The following SH3PXD2B variants were observed in gnomAD, a reference collection of about 807,000 sequenced individuals.
The protein encoded by SH3PXD2B is SH3 and PX domain-containing protein 2B.
SH3PXD2B carries 37 observed loss-of-function variants against 73.1 expected under a neutral mutation model. That is an observed-to-expected ratio of 0.51 (90% CI 0.39 to 0.67). The LOEUF (loss-of-function observed/expected upper bound fraction) is 0.67, where lower values mean the gene tolerates loss of function less well. Among genes scored for constraint, SH3PXD2B ranks in the 30% least tolerant of loss-of-function variants. The pLI, the probability that SH3PXD2B is intolerant of heterozygous loss-of-function variation, is 0.00. For missense variants in SH3PXD2B, 1,053 were observed against 1,197.8 expected (o/e 0.88, Z 1.78); for synonymous variants, 457 against 480.5 (o/e 0.95, Z 0.64).
rs114580585 is a variant in SH3PXD2B at position 172,371,790 on chromosome 5, C to T, written c.427+2000G>A. Among the ~76,000 whole-genome samples the T allele has an allele frequency of 5.6e-3, 854 of 152,310 alleles. 9 individuals carry two copies. The highest frequency in any genetic ancestry group is 0.02 in the African/African-American group (821 of 41,566). On this transcript the variant is annotated intron_variant, in intron 6 of 12. Coordinates refer to ENST00000311601, the MANE Select transcript of SH3PXD2B (RefSeq NM_001017995.3). The stretch of plus-strand genomic sequence containing the variant: ...CTGTCTCTTTCCTCTCTTCTCTACC[C>T]TCCCACACCCATTCCTTCTAGGGAA...
In SH3PXD2B at chr5:172,338,084, G is replaced by T; in HGVS notation, c.*285C>A. 2 of 1,343,248 alleles carry T rather than the reference G, an allele frequency of 1.5e-6. No individual in the cohort carries two copies. Among genetic ancestry groups the T allele is most frequent in the Non-Finnish European group, 1.9e-6 (2 of 1,043,392 alleles). 83.2% of individuals were successfully genotyped at this position (1,343,248 alleles called of 1,614,324 possible). ...CTTGGTCCCACTGCTGGGTGGCAAT[G>T]CCATTGGCCAGGAGGAGTTCTCTTA... is the stretch of plus-strand genomic sequence containing the variant. On this transcript the variant is annotated 3_prime_UTR_variant, in exon 13 of 13. Transcript: ENST00000311601. The surrounding 1 kb of genome is among the most constrained non-coding windows in gnomAD (Gnocchi z 5.1).
intron 4 of SH3PXD2B, among the ~76,000 whole-genome samples, chr5:172,390,860 T>TGTGA (rs949339165): frequency 6.0e-4 from 86 of 142,898 alleles, no homozygotes; most frequent in Non-Finnish European, 9.9e-4. Flanking sequence ...TGTGTGTGTG[T>TGTGA]GACAGAGTTT....
chr5:172,377,519 C>G (rs1413973170), intron 5 of SH3PXD2B, among the ~76,000 whole-genome samples: 1 of 152,198 alleles, frequency 6.6e-6, no homozygotes, highest in Non-Finnish European at 1.5e-5. Flanking sequence ...AGCACCTGCC[C>G]TGTGCCAGAC....
At chr5:172,327,230 CCTA>C (rs1239603467) in intron 12 of SH3PXD2B, among the ~76,000 whole-genome samples, 63 of 152,292 alleles carry the variant, frequency 4.1e-4, no homozygotes, top group African/African-American at 1.5e-3. Context: ...ATTAGAAGGG[CCTA>C]CTATGTGCTA....
intron 10 of SH3PXD2B, among the ~76,000 whole-genome samples, chr5:172,348,663 C>CTATCTATCTATCTATCTTATCT (rs1757066569): frequency 3.5e-5 from 1 of 28,860 alleles, no homozygotes; most frequent in South Asian, 2.2e-3. Flanking sequence ...TCCTATCTAT[C>CTATCTATCTATCTATCTTATCT]TATCTATCTA....
rs144730807 is a variant in SH3PXD2B at position 172,431,889 on chromosome 5, C to A, written c.76-9393G>T. Among the ~76,000 whole-genome samples, 5 of 152,224 alleles carry A rather than the reference C, an allele frequency of 3.3e-5. 1 individual carries two copies. The highest frequency in any genetic ancestry group is 1.2e-4 in the African/African-American group (5 of 41,534). On this transcript the variant is annotated intron_variant, in intron 1 of 12. Transcript: ENST00000311601. ...TTAAAGATACCTTATTTAGGCCGGG[C>A]GCAGTGGCTCGTAATCCTAGATCAC...
chr5:172,416,855 C>T (rs1440881865), intron 2 of SH3PXD2B, among the ~76,000 whole-genome samples: 6 of 151,810 alleles, frequency 4.0e-5, no homozygotes, highest in Middle Eastern at 3.2e-3. Flanking sequence ...GCTACAGGTG[C>T]GCACCGTCAC....
chr5:172,368,453 T>TTATATATATATATATATATTATATA (rs773035950), intron 6 of SH3PXD2B, among the ~76,000 whole-genome samples: 1 of 80,014 alleles, frequency 1.2e-5, no homozygotes, highest in African/African-American at 5.4e-5. Context: ...CTAAGAATGC[T>TTATATATATATATATATATTATATA]TATATATATA....
rs1756762061 is a variant in SH3PXD2B at position 172,338,658 on chromosome 5, T to A, written c.2447A>T (p.Asp816Val). The A allele has an allele frequency of 6.2e-7, 1 of 1,614,180 alleles. No homozygotes were observed. The highest frequency in any genetic ancestry group is 8.5e-7 in the Non-Finnish European group (1 of 1,180,030). Residue 816 changes from aspartate (D) to valine (V), a missense_variant, in exon 13 of 13, where the codon GAT becomes GTT. Asp to Val is a radical substitution (Grantham distance 152, BLOSUM62 -3). Around this residue, in one of 2 missense-constraint regions of SH3PXD2B, gnomAD observed 587 missense variants for 590.7 expected, o/e 0.99. Transcript: ENST00000311601. This position sits in a 1 kb window ranked among gnomAD's most constrained non-coding sequence, Gnocchi z 5.1. ...CAGGCTGCCTTTGCCTCGCGTGTCATCCTGGCCCCCCAAAGAGTTGGAGAG... is the reference window on the plus strand; with the variant it reads ...CAGGCTGCCTTTGCCTCGCGTGTCAACCTGGCCCCCCAAAGAGTTGGAGAG... ...PFLSNSLGGQ[D>V]DTRGKGSLGP...
intron 1 of SH3PXD2B, among the ~76,000 whole-genome samples, chr5:172,425,264 C>A (rs1358680770): frequency 3.9e-5 from 6 of 152,130 alleles, no homozygotes; most frequent in African/African-American, 1.4e-4. Flanking sequence ...ATGCCAGGCC[C>A]TCTGCTAGGG....
chr5:172,387,522 G>C (rs553372966), intron 4 of SH3PXD2B, among the ~76,000 whole-genome samples: 3 of 152,194 alleles, frequency 2.0e-5, no homozygotes, highest in Non-Finnish European at 4.4e-5. Flanking sequence ...GGGGCCCTGG[G>C]TCTAGGATTT....
Position 172,338,362 on chromosome 5 carries a change from G to C in SH3PXD2B, c.*7C>G, listed in dbSNP as rs576493515. On this transcript the variant is annotated 3_prime_UTR_variant, in exon 13 of 13. Transcript: ENST00000311601. The surrounding 1 kb of genome is among the most constrained non-coding windows in gnomAD (Gnocchi z 5.1). ...CCAGCGGGCCCTCTAGGCAGAAAGG[G>C]AGTCGGCTACGGCTTCTTTCTGAGA... 6.2e-7 allele frequency: 1 copy of C among 1,614,062 alleles called. No homozygotes were observed. Among genetic ancestry groups the C allele is most frequent in the African/African-American group, 1.3e-5 (1 of 75,058 alleles).
chr5:172,382,229 T>C (rs762302177), intron 4 of SH3PXD2B, 102 bp from the exon 5 acceptor site: 14 of 968,950 alleles, frequency 1.4e-5, no homozygotes, highest in Admixed American at 7.6e-5. Context: ...GGCAAGATAA[T>C]TGTTTGAACC....
intron 6 of SH3PXD2B, among the ~76,000 whole-genome samples, chr5:172,363,422 T>G (rs1757440284): frequency 6.6e-6 from 1 of 152,162 alleles, no homozygotes; most frequent in African/African-American, 2.4e-5. Context: ...TAACTCAATC[T>G]AGTCACAGAG....
intron 6 of SH3PXD2B, among the ~76,000 whole-genome samples, chr5:172,366,533 CCTT>C (rs1260631680): frequency 2.0e-5 from 3 of 152,370 alleles, no homozygotes; most frequent in Non-Finnish European, 1.5e-5. Flanking sequence ...CTCAACCTCT[CCTT>C]CTTATTTCAG....
intron 1 of SH3PXD2B, among the ~76,000 whole-genome samples, chr5:172,425,943 G>GTGCCCA (rs1759086083): frequency 6.6e-6 from 1 of 152,106 alleles, no homozygotes; most frequent in African/African-American, 2.4e-5. Context: ...TGTACCAAAG[G>GTGCCCA]TGCCCACCAC....
intron 7 of SH3PXD2B, among the ~76,000 whole-genome samples, chr5:172,360,414 A>T (rs1322271992): frequency 6.6e-6 from 1 of 152,210 alleles, no homozygotes; most frequent in African/African-American, 2.4e-5. Flanking sequence ...CAGGATTCAA[A>T]CCAAGGCGGT....
intron 1 of SH3PXD2B, among the ~76,000 whole-genome samples, chr5:172,427,193 C>T (rs1759114043): frequency 6.6e-6 from 1 of 152,116 alleles, no homozygotes; most frequent in Admixed American, 6.5e-5. Flanking sequence ...CACATGCTAC[C>T]CTATGAATGA....
intron 4 of SH3PXD2B, among the ~76,000 whole-genome samples, chr5:172,385,278 C>T (rs985008456): frequency 1.3e-5 from 2 of 152,008 alleles, no homozygotes; most frequent in African/African-American, 2.4e-5. Flanking sequence ...TTGTGGCTTC[C>T]CCCCAAGACT....
Sources: allele counts gnomAD v4.1 joint callset (sites outside exome capture counted in the v4.1 genomes callset), GRCh38; gene constraint gnomAD v4.1.1; regional missense constraint gnomAD v4.1.1; non-coding constraint Gnocchi (gnomAD v3.1); transcripts MANE v1.5; gene names NCBI Gene and HGNC (gene_info 2026-07-23, HGNC 2026-07-21).